Variants in GRK5 observed in about 807,000 individuals in gnomAD.
GRK5 encodes the protein g protein-coupled receptor kinase GRK5.
GRK5 carries 40 observed loss-of-function variants against 78.4 expected under a neutral mutation model. The ratio of observed to expected loss-of-function variants is 0.51; its 90% CI spans 0.40 to 0.66. The LOEUF is 0.66. GRK5 is among the 30% of genes least tolerant of loss of function. The probability of loss-of-function intolerance (pLI) is 0.00; values close to 1 mark genes in which losing one functional copy is unlikely to be tolerated. For missense variants in GRK5, 598 were observed against 759.9 expected (o/e 0.79, Z 2.50); for synonymous variants, 289 against 296.8 (o/e 0.97, Z 0.27).
At chr10:119,303,261 C>A (rs1166500677) in intron 1 of GRK5, among the ~76,000 whole-genome samples, 1 of 152,176 alleles carries the variant, frequency 6.6e-6, no homozygotes, top group East Asian at 1.9e-4. Flanking sequence ...CTAATAACGT[C>A]TGATAGTGAT....
chr10:119,425,642 C>T (rs141783600), intron 6 of GRK5, among the ~76,000 whole-genome samples: 2 of 152,354 alleles, frequency 1.3e-5, no homozygotes, highest in African/African-American at 2.4e-5. Context: ...TGCCACAGTG[C>T]CCGAGTGCCT....
At chr10:119,254,118 C>G (rs1849244360) in intron 1 of GRK5, among the ~76,000 whole-genome samples, 1 of 152,208 alleles carries the variant, frequency 6.6e-6, no homozygotes, top group Admixed American at 6.5e-5. Context: ...TGACTGTCCC[C>G]TAAAGTGGGA....
At chr10:119,322,841 G>A (rs1345382710) in intron 1 of GRK5, among the ~76,000 whole-genome samples, 1 of 152,196 alleles carries the variant, frequency 6.6e-6, no homozygotes, top group Non-Finnish European at 1.5e-5. Context: ...GACTTGAACA[G>A]ATACTTGTTT....
At chr10:119,233,410 G>A (rs1848862812) in intron 1 of GRK5, among the ~76,000 whole-genome samples, 1 of 152,018 alleles carries the variant, frequency 6.6e-6, no homozygotes, top group Admixed American at 6.6e-5. Context: ...CTGCTGCTGG[G>A]GTTGCCAAGC....
intron 4 of GRK5, among the ~76,000 whole-genome samples, chr10:119,407,328 C>T (rs1007536526): frequency 1.3e-5 from 2 of 152,206 alleles, no homozygotes; most frequent in Non-Finnish European, 2.9e-5. Flanking sequence ...TTCTATAACT[C>T]TGTGCTAGAA....
rs762365089 is a variant in GRK5 at position 119,455,048 on chromosome 10, A to C, written c.1754A>C (p.Asn585Thr). The C allele has an allele frequency of 6.8e-6, 11 of 1,613,676 alleles. No homozygotes were observed. The highest frequency in any genetic ancestry group is 9.3e-6 in the Non-Finnish European group (11 of 1,179,778). ...ATAAACTCAAACCATGTCAGCTCGA[A>C]CTCCACCGGAAGCAGCTAGTTTCGG... ...HHINSNHVSSNSTGSS is the reference protein window; with the variant it reads ...HHINSNHVSSTSTGSS The change falls in exon 16 of 16, where the codon AAC (asparagine) becomes ACC (threonine). Residue 585 changes from asparagine (N) to threonine (T), a missense_variant. Asn to Thr is a moderately conservative substitution (Grantham distance 65). Transcript: ENST00000392870.
chr10:119,394,571 G>GTATCCA lies in GRK5; in HGVS notation c.262-2123_262-2122insATCCAT, dbSNP rs1851989924. On this transcript the variant is annotated intron_variant, in intron 3 of 15. Coordinates refer to ENST00000392870, the MANE Select transcript of GRK5 (RefSeq NM_005308.3). Reference sequence around the variant, plus strand: ...GGGGCACGTGTATGTTTGGGTGTGTGTGTGTCTGTGTGTGGGTGTGTGTCT... The same window carrying GTATCCA: ...GGGGCACGTGTATGTTTGGGTGTGTGTATCCATGTGTCTGTGTGTGGGTGTGTGTCT... Among the ~76,000 whole-genome samples, 2 of 3,396 alleles carry GTATCCA rather than the reference G, an allele frequency of 5.9e-4. 1 individual carries two copies. Among genetic ancestry groups the GTATCCA allele is most frequent in the Non-Finnish European group, 1.9e-3 (2 of 1,070 alleles). The allele number at this position is 3,396 out of a possible 152,430, so 2.2% of individuals were successfully genotyped here.
At chr10:119,308,483 C>T (rs1850307297) in intron 1 of GRK5, among the ~76,000 whole-genome samples, 1 of 152,154 alleles carries the variant, frequency 6.6e-6, no homozygotes, top group Admixed American at 6.5e-5. Flanking sequence ...CTCTCTGGGT[C>T]CCCTGACTCC....
intron 3 of GRK5, among the ~76,000 whole-genome samples, chr10:119,393,491 G>A (rs538339327): frequency 2.0e-4 from 30 of 152,344 alleles, no homozygotes; most frequent in African/African-American, 5.8e-4. Flanking sequence ...ATGTATTTTC[G>A]TACAGTGCAA....
At chr10:119,284,196 A>C (rs958297366) in intron 1 of GRK5, among the ~76,000 whole-genome samples, 2 of 152,242 alleles carry the variant, frequency 1.3e-5, no homozygotes, top group African/African-American at 4.8e-5. Context: ...TATGAAGTAG[A>C]AAAAATTCTA....
At chr10:119,381,693 A>G (rs1299858160) in intron 3 of GRK5, among the ~76,000 whole-genome samples, 2 of 152,206 alleles carry the variant, frequency 1.3e-5, no homozygotes, top group Non-Finnish European at 2.9e-5. Context: ...GAAGGAGGAC[A>G]AGAGGGAAGG....
chr10:119,366,636 C>G (rs890785262), intron 2 of GRK5, among the ~76,000 whole-genome samples: 1 of 152,202 alleles, frequency 6.6e-6, no homozygotes, highest in Non-Finnish European at 1.5e-5. Flanking sequence ...GCTGCCACAG[C>G]TTTCCCATGT....
rs1360656087 is a variant in GRK5 at position 119,452,940 on chromosome 10, A to G, written c.1542+132A>G. On this transcript the variant is annotated intron_variant, in intron 14 of 15. Transcript: ENST00000392870. This position sits in a 1 kb window ranked among gnomAD's most constrained non-coding sequence, Gnocchi z 4.4. ...TTTCTGTTTTCTCCATGAAGGCAGCACACAAAAGCTGTCAGTGGCCAAGTA... is the reference window on the plus strand; with the variant it reads ...TTTCTGTTTTCTCCATGAAGGCAGCGCACAAAAGCTGTCAGTGGCCAAGTA... 4 of 1,171,502 alleles carry G rather than the reference A, an allele frequency of 3.4e-6. No individual in the cohort carries two copies. The Admixed American group carries it at 7.3e-5, about 22-fold the overall frequency. The allele number at this position is 1,171,502 out of a possible 1,614,324, so 72.6% of individuals were successfully genotyped here. A position where few individuals can be genotyped will look rare whatever the true frequency, so the allele number is the denominator to read the frequency against.
chr10:119,275,038 C>T (rs1849645166), intron 1 of GRK5, among the ~76,000 whole-genome samples: 1 of 152,186 alleles, frequency 6.6e-6, no homozygotes, highest in Admixed American at 6.5e-5. Context: ...AAAATGAGCT[C>T]ATGATAGACC....
intron 1 of GRK5, among the ~76,000 whole-genome samples, chr10:119,244,787 T>A (rs558657537): frequency 1.3e-5 from 2 of 152,178 alleles, no homozygotes; most frequent in African/African-American, 2.4e-5. Flanking sequence ...ACCTCATACC[T>A]GTTAGGACAG....
intron 1 of GRK5, among the ~76,000 whole-genome samples, chr10:119,286,713 AC>A (rs1355290681): frequency 6.6e-6 from 1 of 152,170 alleles, no homozygotes; most frequent in Non-Finnish European, 1.5e-5. Context: ...CCATGCAGGC[AC>A]CCCTTGGAAG....
intron 6 of GRK5, among the ~76,000 whole-genome samples, chr10:119,425,929 C>T (rs576605222): frequency 1.3e-5 from 2 of 152,248 alleles, no homozygotes; most frequent in Admixed American, 6.5e-5. Flanking sequence ...CGGCCCTGAG[C>T]CCCCAGCGCA....
At chr10:119,348,171 C>A (rs1042628941) in intron 2 of GRK5, among the ~76,000 whole-genome samples, 8 of 152,212 alleles carry the variant, frequency 5.3e-5, no homozygotes, top group Non-Finnish European at 1.0e-4. Flanking sequence ...TTTCTTTCTA[C>A]TGCTGGCCAC....
At chr10:119,425,173 G>A (rs561983641) in intron 6 of GRK5, 88 bp downstream of exon 6, 26 of 952,868 alleles carry the variant, frequency 2.7e-5, no homozygotes, top group Admixed American at 1.1e-4. Flanking sequence ...GTTACCTCCC[G>A]TGGGCTCATG....
Sources: allele counts gnomAD v4.1 joint callset (sites outside exome capture counted in the v4.1 genomes callset), GRCh38; gene constraint gnomAD v4.1.1; non-coding constraint Gnocchi (gnomAD v3.1); transcripts MANE v1.5; gene names NCBI Gene and HGNC (gene_info 2026-07-23, HGNC 2026-07-21).